Variants in SLC25A42 observed in about 807,000 individuals in gnomAD.
The protein encoded by SLC25A42 is solute carrier family 25 member 42.
In SLC25A42, 19 loss-of-function variants were observed where a neutral mutation model predicts 34.7. That is an observed-to-expected ratio of 0.55 (90% CI 0.38 to 0.80). SLC25A42 has a LOEUF of 0.80. SLC25A42 is among the 30% of genes least tolerant of loss of function. The probability of loss-of-function intolerance (pLI) is 0.00; values close to 1 mark genes in which losing one functional copy is unlikely to be tolerated. For missense variants in SLC25A42, 364 were observed against 441.3 expected, an observed-to-expected ratio of 0.82 and a Z score of 1.57; for synonymous variants, 205 against 191.2, an observed-to-expected ratio of 1.07 and a Z score of -0.59.
At chr19:19,108,267 T>C (rs1282250567) in intron 7 of SLC25A42, among the ~76,000 whole-genome samples, 1 of 152,172 alleles carries the variant, frequency 6.6e-6, no homozygotes, top group African/African-American at 2.4e-5. Flanking sequence ...TGAGAGGAAC[T>C]CTGGCTGGTG....
At position 19,081,204 on chromosome 19, in the gene SLC25A42, C is replaced by T. The variant is rs1398581773; in HGVS notation, c.-34-14887C>T. On this transcript the variant is annotated intron_variant, in intron 1 of 7. Transcript: ENST00000318596. This position sits in a 1 kb window ranked among gnomAD's most constrained non-coding sequence, Gnocchi z 4.5. ...GGAAGGGAAGAAGGAGAAATACCCT[C>T]CCCACAGACTTGTCATTGGGGCACA... Among the ~76,000 whole-genome samples, 1 of 151,806 alleles carries T rather than the reference C, an allele frequency of 6.6e-6. No homozygotes were observed. Among genetic ancestry groups the T allele is most frequent in the Non-Finnish European group, 1.5e-5 (1 of 67,922 alleles).
At chr19:19,101,917 A>G (rs1233512509) in intron 3 of SLC25A42, 31 bp downstream of exon 3, 1 of 1,558,300 alleles carries the variant, frequency 6.4e-7, no homozygotes, top group Non-Finnish European at 8.8e-7. Context: ...GGTGCTAGAG[A>G]AGCTGCCAGG....
At chr19:19,086,452 TC>T (rs1434314962) in intron 1 of SLC25A42, among the ~76,000 whole-genome samples, 1 of 152,174 alleles carries the variant, frequency 6.6e-6, no homozygotes, top group African/African-American at 2.4e-5. Context: ...TTATTAAGTT[TC>T]CTGTGGGGAG....
chr19:19,107,835 G>GCTC, intron 6 of SLC25A42, 59 bp from the exon 7 acceptor site: 1 of 1,599,726 alleles, frequency 6.3e-7, no homozygotes, highest in Non-Finnish European at 8.5e-7. Flanking sequence ...AGCCTCTGTG[G>GCTC]CTCCTCCCTG....
chr19:19,089,284 T>G (rs566280964), intron 1 of SLC25A42, among the ~76,000 whole-genome samples: 1 of 152,038 alleles, frequency 6.6e-6, no homozygotes, highest in Non-Finnish European at 1.5e-5. Context: ...TCCCAGTACT[T>G]TGGGAGGCTG....
At chr19:19,084,667 G>T (rs2059698303) in intron 1 of SLC25A42, among the ~76,000 whole-genome samples, 1 of 152,144 alleles carries the variant, frequency 6.6e-6, no homozygotes, top group African/African-American at 2.4e-5. Context: ...AGGGAATGGG[G>T]AATACCCACT....
chr19:19,102,923 G>T (rs960419863), intron 3 of SLC25A42, among the ~76,000 whole-genome samples: 1 of 152,018 alleles, frequency 6.6e-6, no homozygotes, highest in African/African-American at 2.4e-5. Flanking sequence ...GCAGGGCTGC[G>T]TTCCCTCCAG....
At chr19:19,086,971 T>G (rs902759481) in intron 1 of SLC25A42, among the ~76,000 whole-genome samples, 27 of 151,350 alleles carry the variant, frequency 1.8e-4, no homozygotes, top group African/African-American at 6.1e-4. Flanking sequence ...ACCATGTGTG[T>G]GGGGGGGTGC....
chr19:19,094,877 C>A (rs1307828552), intron 1 of SLC25A42, among the ~76,000 whole-genome samples: 1 of 151,920 alleles, frequency 6.6e-6, no homozygotes, highest in Non-Finnish European at 1.5e-5. Flanking sequence ...ACTGTCTCTA[C>A]AAAATATAAA....
At chr19:19,074,987 C>A (rs1422291762) in intron 1 of SLC25A42, among the ~76,000 whole-genome samples, 1 of 151,966 alleles carries the variant, frequency 6.6e-6, no homozygotes, top group African/African-American at 2.4e-5. Flanking sequence ...CCCGTCTCTA[C>A]TAAAAATAAT....
intron 1 of SLC25A42, among the ~76,000 whole-genome samples, chr19:19,086,994 G>T (rs2059711547): frequency 6.6e-6 from 1 of 152,028 alleles, no homozygotes; most frequent in South Asian, 2.1e-4. Context: ...TGGGTGGGGA[G>T]GGTGAGGTTA....
chr19:19,110,081 T>G (rs1483313436), intron 7 of SLC25A42, among the ~76,000 whole-genome samples: 3 of 152,180 alleles, frequency 2.0e-5, no homozygotes, highest in Non-Finnish European at 4.4e-5. Flanking sequence ...GCTCGGTGGC[T>G]CATGTCTGTA....
chr19:19,093,613 G>A (rs761844964), intron 1 of SLC25A42, among the ~76,000 whole-genome samples: 4 of 152,148 alleles, frequency 2.6e-5, no homozygotes, highest in Admixed American at 6.5e-5. Context: ...TTTGGTGACC[G>A]TTACAGTTTT....
chr19:19,096,804 G>A (rs1048610595), intron 2 of SLC25A42, among the ~76,000 whole-genome samples: 1 of 152,084 alleles, frequency 6.6e-6, no homozygotes. Context: ...AGGCGTGGTG[G>A]TGCACACCTG....
intron 1 of SLC25A42, among the ~76,000 whole-genome samples, chr19:19,065,880 G>A (rs572812828): frequency 3.9e-5 from 6 of 151,974 alleles, no homozygotes; most frequent in South Asian, 4.2e-4. Flanking sequence ...TTTTTGAGAC[G>A]GAGTCTTGCT....
rs114807237 is a variant in SLC25A42, at chr19:19,085,426, C to T, written c.-34-10665C>T. ...AGAAGGAGTCTCGTTCTGTCACCCACGCTGGAGTGCAGTGCCGCGATCTCA... is the reference window on the plus strand; with the variant it reads ...AGAAGGAGTCTCGTTCTGTCACCCATGCTGGAGTGCAGTGCCGCGATCTCA... On this transcript the variant is annotated intron_variant, in intron 1 of 7. Coordinates refer to ENST00000318596, the MANE Select transcript of SLC25A42 (RefSeq NM_178526.5). Among the ~76,000 whole-genome samples the T allele has an allele frequency of 5.9e-3, 890 of 151,476 alleles. 6 individuals are homozygous for T. The highest frequency in any genetic ancestry group is 0.02 in the African/African-American group (822 of 41,262).
intron 3 of SLC25A42, among the ~76,000 whole-genome samples, chr19:19,103,472 T>G (rs2059809210): frequency 6.6e-6 from 1 of 152,156 alleles, no homozygotes; most frequent in African/African-American, 2.4e-5. Flanking sequence ...TTAACTCTAT[T>G]ACATCTGCAA....
At chr19:19,096,045 C>G (rs749479946) in intron 1 of SLC25A42, 46 bp from the exon 2 acceptor site, 43 of 1,271,954 alleles carry the variant, frequency 3.4e-5, no homozygotes, top group Non-Finnish European at 4.6e-5. Flanking sequence ...CACCCACCAT[C>G]TCTCAGGATC....
intron 3 of SLC25A42, among the ~76,000 whole-genome samples, chr19:19,102,704 A>T (rs904194310): frequency 6.6e-6 from 1 of 152,066 alleles, no homozygotes; most frequent in Non-Finnish European, 1.5e-5. Context: ...AGGTCGCGCC[A>T]TCGCACTCCA....
Sources: allele counts gnomAD v4.1 joint callset (sites outside exome capture counted in the v4.1 genomes callset), GRCh38; gene constraint gnomAD v4.1.1; non-coding constraint Gnocchi (gnomAD v3.1); transcripts MANE v1.5; gene names NCBI Gene and HGNC (gene_info 2026-07-23, HGNC 2026-07-21).